Variants in ZNF536 observed in about 807,000 individuals in gnomAD.
ZNF536 encodes zinc finger protein 536.
Under a neutral mutation model 84.5 loss-of-function variants are expected in ZNF536, and 13 were observed. That is an observed-to-expected ratio of 0.15 (90% CI 0.10 to 0.24). The LOEUF (loss-of-function observed/expected upper bound fraction) is 0.24, where lower values mean the gene tolerates loss of function less well. ZNF536 is among the 10% of genes least tolerant of loss of function. ZNF536 has a pLI of 1.00. For missense variants in ZNF536, 1,536 were observed against 1,747.5 expected (o/e 0.88, Z 2.16); for synonymous variants, 811 against 742.5 (o/e 1.09, Z -1.50).
Position 30,520,278 on chromosome 19 carries a change from C to T in ZNF536, c.2171-14569C>T, listed in dbSNP as rs186128540. Among the ~76,000 whole-genome samples the T allele has an allele frequency of 9.2e-5, 14 of 152,202 alleles. No homozygotes were observed. The East Asian group carries it at 1.7e-3, about 19-fold the overall frequency. Reference sequence around the variant, plus strand: ...TTTTCAATATCAGGGCATGTGTTCTCGGGGTAGGGGATGAGCCAGCCAGGG... The same window carrying T: ...TTTTCAATATCAGGGCATGTGTTCTTGGGGTAGGGGATGAGCCAGCCAGGG... On this transcript the variant is annotated intron_variant, in intron 2 of 4. Coordinates refer to ENST00000355537, the MANE Select transcript of ZNF536 (RefSeq NM_014717.3).
At chr19:30,422,071 T>C (rs1166904654) in intron 1 of ZNF536, among the ~76,000 whole-genome samples, 3 of 152,164 alleles carry the variant, frequency 2.0e-5, no homozygotes, top group Non-Finnish European at 4.4e-5. Context: ...TTTATTGCAG[T>C]ACAACTCTAT....
At chr19:30,630,529 G>C (rs1229880406) in intron 1 of ZNF536, among the ~76,000 whole-genome samples, 4 of 152,132 alleles carry the variant, frequency 2.6e-5, no homozygotes, top group Non-Finnish European at 4.4e-5. Context: ...GGAGACCCCG[G>C]GCAGGAACAA....
At chr19:30,528,316 C>A (rs1250783421) in intron 2 of ZNF536, among the ~76,000 whole-genome samples, 1 of 152,120 alleles carries the variant, frequency 6.6e-6, no homozygotes, top group African/African-American at 2.4e-5. Flanking sequence ...AAGCGAGAAC[C>A]AAGAATCCAC....
intron 1 of ZNF536, among the ~76,000 whole-genome samples, chr19:30,628,034 G>A: frequency 6.6e-6 from 1 of 152,230 alleles, no homozygotes; most frequent in Non-Finnish European, 1.5e-5. Flanking sequence ...GGAAACTGTG[G>A]CTGTCATGTC....
intron 1 of ZNF536, among the ~76,000 whole-genome samples, chr19:30,610,958 G>A (rs928135936): frequency 5.3e-5 from 8 of 152,164 alleles, no homozygotes; most frequent in South Asian, 2.1e-4. Flanking sequence ...TGCCAAACTC[G>A]AAGAGCTTGG....
At chr19:30,616,735 G>A (rs1209186780) in intron 1 of ZNF536, among the ~76,000 whole-genome samples, 1 of 152,196 alleles carries the variant, frequency 6.6e-6, no homozygotes, top group African/African-American at 2.4e-5. Flanking sequence ...GGTGTCATCT[G>A]TCTTGAGAAA....
chr19:30,620,891 A>G (rs982277139), intron 1 of ZNF536, among the ~76,000 whole-genome samples: 11 of 152,148 alleles, frequency 7.2e-5, no homozygotes, highest in Admixed American at 7.2e-4. Flanking sequence ...AAAATTGAAA[A>G]GTCTGATGGA....
At chr19:30,497,590 C>T (rs1192166544) in intron 2 of ZNF536, among the ~76,000 whole-genome samples, 4 of 152,216 alleles carry the variant, frequency 2.6e-5, no homozygotes, top group African/African-American at 9.6e-5. Context: ...GCTGCTCCCA[C>T]ACATGTATGG....
chr19:30,496,683 T>C (rs986640284), intron 2 of ZNF536, among the ~76,000 whole-genome samples: 6 of 151,558 alleles, frequency 4.0e-5, no homozygotes, highest in African/African-American at 1.5e-4. Flanking sequence ...GTAGTAGAGA[T>C]GGGGGGGTTT....
chr19:30,688,514 C>G (rs35141590), intron 1 of ZNF536, among the ~76,000 whole-genome samples: 5,475 of 152,274 alleles, frequency 0.036, 141 homozygotes, highest in Non-Finnish European at 0.055. Context: ...ATAGAATATT[C>G]TTAATACAGC....
intron 1 of ZNF536, among the ~76,000 whole-genome samples, chr19:30,588,362 T>C (rs8104210): frequency 0.44 from 66,966 of 152,010 alleles, 15,407 homozygotes; most frequent in South Asian, 0.54. Context: ...CTGATCACCA[T>C]GGTCAGTGAG....
intron 1 of ZNF536, among the ~76,000 whole-genome samples, chr19:30,402,575 C>G (rs545898556): frequency 6.6e-6 from 1 of 151,970 alleles, no homozygotes; most frequent in South Asian, 2.1e-4. Context: ...TTCTACCTCT[C>G]CCAGCCACCT....
intron 1 of ZNF536, among the ~76,000 whole-genome samples, chr19:30,671,942 A>G (rs1316983563): frequency 6.6e-6 from 1 of 152,124 alleles, no homozygotes; most frequent in East Asian, 1.9e-4. Flanking sequence ...CAGGCCCATC[A>G]TCTACCCAGG....
intron 4 of ZNF536, chr19:30,555,329 T>A (rs2045926478): frequency 6.6e-6 from 1 of 152,196 alleles, no homozygotes; most frequent in African/African-American, 2.4e-5. Context: ...AAGGAAATGA[T>A]GTCAGTGTGC....
intron 1 of ZNF536, among the ~76,000 whole-genome samples, chr19:30,605,861 T>A (rs2047850650): frequency 6.6e-6 from 1 of 152,180 alleles, no homozygotes; most frequent in Admixed American, 6.5e-5. Context: ...CTTCCTTCTA[T>A]GACCCTGGCT....
At chr19:30,662,340 G>T (rs900266512) in intron 1 of ZNF536, among the ~76,000 whole-genome samples, 2 of 152,100 alleles carry the variant, frequency 1.3e-5, no homozygotes, top group African/African-American at 2.4e-5. Context: ...GCTTGTGTTG[G>T]GCCCTTGTGA....
chr19:30,307,551 G>A (rs1172534392), intron 2 of ZNF536, among the ~76,000 whole-genome samples: 1 of 151,920 alleles, frequency 6.6e-6, no homozygotes, highest in African/African-American at 2.4e-5. Flanking sequence ...TCTGTTCCTG[G>A]TCTGCCACAT....
chr19:30,502,394 T>G (rs2054986798), intron 2 of ZNF536, among the ~76,000 whole-genome samples: 1 of 152,046 alleles, frequency 6.6e-6, no homozygotes, highest in Non-Finnish European at 1.5e-5. Flanking sequence ...TAGATATTTT[T>G]AAACTTGGGG....
Position 30,443,932 on chromosome 19 carries a change from G to A in ZNF536, c.370G>A (p.Ala124Thr), listed in dbSNP as rs896581213. The change falls in exon 2 of 5, where the codon GCC becomes ACC. Residue 124 changes from alanine (A) to threonine (T), a missense_variant. Coordinates refer to ENST00000355537, the MANE Select transcript of ZNF536 (RefSeq NM_014717.3). ...CCAGATGAGCGACATCGAGGACGACGCCCGCAAGAACCGCAAGTACCCGTG... is the reference window on the plus strand; with the variant it reads ...CCAGATGAGCGACATCGAGGACGACACCCGCAAGAACCGCAAGTACCCGTG... ...MSQMSDIEDDARKNRKYPCPL... is the reference protein window; with the variant it reads ...MSQMSDIEDDTRKNRKYPCPL... 3.1e-6 allele frequency: 5 copies of A among 1,613,528 alleles called. No individual in the cohort carries two copies. The highest frequency in any genetic ancestry group is 1.3e-5 in the African/African-American group (1 of 74,928).
Sources: allele counts gnomAD v4.1 joint callset (sites outside exome capture counted in the v4.1 genomes callset), GRCh38; gene constraint gnomAD v4.1.1; transcripts MANE v1.5; gene names NCBI Gene and HGNC (gene_info 2026-07-23, HGNC 2026-07-21).